The following PTPRD variants were observed in gnomAD, a reference collection of about 807,000 sequenced individuals.
PTPRD encodes the protein protein tyrosine phosphatase receptor type D, also known as receptor-type tyrosine-protein phosphatase delta.
In PTPRD, 34 loss-of-function variants were observed where a neutral mutation model predicts 214.5. The observed-to-expected ratio is 0.16, with a 90% CI of 0.12 to 0.21. The LOEUF (loss-of-function observed/expected upper bound fraction) is 0.21. Among genes scored for constraint, PTPRD ranks in the 10% least tolerant of loss-of-function variants. The probability of loss-of-function intolerance (pLI) is 1.00; values close to 1 mark genes in which losing one functional copy is unlikely to be tolerated. For synonymous variants in PTPRD, 1,128 were observed against 845.7 expected, an observed-to-expected ratio of 1.33 and a Z score of -5.79; for missense variants, 2,545 against 2,398.7, an observed-to-expected ratio of 1.06 and a Z score of -1.27.
Position 10,411,578 on chromosome 9 carries a change from C to A in PTPRD, c.-599-70561G>T, listed in dbSNP as rs544691713. Among the ~76,000 whole-genome samples, 68 of 151,746 alleles carry A rather than the reference C, an allele frequency of 4.5e-4. No individual in the cohort carries two copies. The Middle Eastern group carries it at 0.01, about 23-fold the overall frequency. On this transcript the variant is annotated intron_variant, in intron 2 of 45. Coordinates refer to ENST00000381196, the MANE Select transcript of PTPRD (RefSeq NM_002839.4). ...ATCATCCTATGTTCCTAAATTAACC[C>A]CTTGAATTAGACTTACTTGCTGATT...
intron 11 of PTPRD, among the ~76,000 whole-genome samples, chr9:8,823,097 C>T (rs1238536864): frequency 6.6e-6 from 1 of 152,100 alleles, no homozygotes; most frequent in African/African-American, 2.4e-5. Flanking sequence ...GCCCACACCC[C>T]ACAGCCTCTT....
intron 9 of PTPRD, among the ~76,000 whole-genome samples, chr9:9,369,891 T>G (rs1226662145): frequency 9.2e-5 from 14 of 152,202 alleles, no homozygotes; most frequent in Non-Finnish European, 1.8e-4. Flanking sequence ...TGCTTGTTTT[T>G]GTCAGGTTTG....
intron 8 of PTPRD, among the ~76,000 whole-genome samples, chr9:9,400,287 T>G (rs1341466048): frequency 6.6e-6 from 1 of 151,880 alleles, no homozygotes; most frequent in Non-Finnish European, 1.5e-5. Flanking sequence ...TCTATTTTAC[T>G]CAAATGGTAA....
chr9:9,596,266 AATAGC>A (rs2093345465), intron 7 of PTPRD, among the ~76,000 whole-genome samples: 1 of 151,982 alleles, frequency 6.6e-6, no homozygotes, highest in African/African-American at 2.4e-5. Context: ...TATCAGATAA[AATAGC>A]ATATCAATAG....
chr9:9,328,608 G>GTTGT (rs1224995355), intron 9 of PTPRD, among the ~76,000 whole-genome samples: 1 of 55,644 alleles, frequency 1.8e-5, no homozygotes, highest in Non-Finnish European at 4.3e-5. Flanking sequence ...TTCTTTTGTT[G>GTTGT]TTGTTCTTGC....
chr9:10,511,569 A>ATTTTTTTTTTTTTTT (rs66768632), intron 2 of PTPRD, among the ~76,000 whole-genome samples: 3 of 127,856 alleles, frequency 2.3e-5, no homozygotes, highest in African/African-American at 9.2e-5. Context: ...ACACCCTGGT[A>ATTTTTTTTTTTTTTT]TTTTTTTTTT....
At chr9:8,657,246 C>T (rs1368754860) in intron 12 of PTPRD, among the ~76,000 whole-genome samples, 12 of 149,884 alleles carry the variant, frequency 8.0e-5, no homozygotes, top group Non-Finnish European at 4.4e-5. Flanking sequence ...TGGCTCACTG[C>T]AACCTCTGCC....
intron 5 of PTPRD, among the ~76,000 whole-genome samples, chr9:9,915,471 C>T (rs182403814): frequency 2.3e-4 from 34 of 150,260 alleles, no homozygotes; most frequent in African/African-American, 8.3e-4. Context: ...TACAGATAAA[C>T]AATTCAAGAA....
At chr9:9,671,298 G>A (rs1382916404) in intron 7 of PTPRD, among the ~76,000 whole-genome samples, 1 of 152,140 alleles carries the variant, frequency 6.6e-6, no homozygotes, top group Non-Finnish European at 1.5e-5. Context: ...CACTTGGAAT[G>A]GCTATAGTTA....
chr9:9,676,409 G>A (rs1441614105), intron 7 of PTPRD, among the ~76,000 whole-genome samples: 1 of 151,818 alleles, frequency 6.6e-6, no homozygotes, highest in African/African-American at 2.4e-5. Context: ...AGTTTGCTGA[G>A]AATGATGGTT....
At chr9:9,967,770 T>C (rs529143206) in intron 4 of PTPRD, among the ~76,000 whole-genome samples, 1 of 152,172 alleles carries the variant, frequency 6.6e-6, no homozygotes, top group Non-Finnish European at 1.5e-5. Flanking sequence ...GATATAGACA[T>C]TGAACATGCG....
At chr9:10,499,994 T>G (rs1034390118) in intron 2 of PTPRD, among the ~76,000 whole-genome samples, 3 of 151,900 alleles carry the variant, frequency 2.0e-5, no homozygotes, top group African/African-American at 7.2e-5. Flanking sequence ...TGTGCCAGCT[T>G]TCTTTCTCTG....
rs57068953 is a variant in PTPRD at position 10,598,711 on chromosome 9, G to GTGTGGTGTGTGGT, written c.-600+13686_-600+13687insACCACACACCACA. Among the ~76,000 whole-genome samples the GTGTGGTGTGTGGT allele has an allele frequency of 2.7e-3, 370 of 137,162 alleles. 1 individual carries two copies. The highest frequency in any genetic ancestry group is 0.021 in the East Asian group (91 of 4,402). The allele number at this position is 137,162 out of a possible 152,430, so 90.0% of individuals were successfully genotyped here. ...GTGTGTGTGTGTGTGTGTGGTGTGT[G>GTGTGGTGTGTGGT]GTGTGTGTGTGTGTGTGTGTGTAGA... On this transcript the variant is annotated intron_variant, in intron 2 of 45. Coordinates refer to ENST00000381196, the MANE Select transcript of PTPRD (RefSeq NM_002839.4).
At chr9:10,435,935 C>T (rs2098714234) in intron 2 of PTPRD, among the ~76,000 whole-genome samples, 1 of 151,724 alleles carries the variant, frequency 6.6e-6, no homozygotes, top group Non-Finnish European at 1.5e-5. Context: ...TTTAAAAGTA[C>T]CTATTTTTGT....
intron 2 of PTPRD, among the ~76,000 whole-genome samples, chr9:10,384,399 C>T (rs1473790545): frequency 6.6e-6 from 1 of 151,504 alleles, no homozygotes; most frequent in East Asian, 1.9e-4. Context: ...TCCTGGGATT[C>T]ATTACAATTT....
intron 12 of PTPRD, among the ~76,000 whole-genome samples, chr9:8,646,136 G>A (rs1329892571): frequency 6.6e-6 from 1 of 151,914 alleles, no homozygotes. Context: ...CAGTGCATGG[G>A]ACTGGGTAAT....
intron 2 of PTPRD, among the ~76,000 whole-genome samples, chr9:10,525,053 T>A (rs768788208): frequency 7.2e-5 from 11 of 151,990 alleles, no homozygotes; most frequent in Non-Finnish European, 1.3e-4. Flanking sequence ...TTCAGGGTAG[T>A]GGTCTTTATT....
intron 33 of PTPRD, among the ~76,000 whole-genome samples, chr9:8,457,790 CAAT>C (rs373373460): frequency 3.3e-5 from 5 of 151,720 alleles, no homozygotes; most frequent in African/African-American, 9.7e-5. Context: ...AATATTCTGA[CAAT>C]AATAATAATA....
At chr9:8,996,980 G>A (rs909395141) in intron 11 of PTPRD, among the ~76,000 whole-genome samples, 3 of 152,182 alleles carry the variant, frequency 2.0e-5, no homozygotes, top group Non-Finnish European at 4.4e-5. Context: ...TTTTATGTAT[G>A]TAACTTACAC....
Sources: gnomAD v4.1 joint callset for allele counts (sites outside exome capture counted in the v4.1 genomes callset) on GRCh38, gnomAD v4.1.1 for gene constraint, MANE v1.5 for transcripts, NCBI Gene and HGNC (gene_info 2026-07-23, HGNC 2026-07-21) for gene names.